Variants in TENM3 observed in about 807,000 individuals in gnomAD.
TENM3 encodes the protein teneurin transmembrane protein 3.
Under a neutral mutation model 255.1 loss-of-function variants are expected in TENM3, and 63 were observed. The ratio of observed to expected loss-of-function variants is 0.25; its 90% CI spans 0.20 to 0.30. The LOEUF (loss-of-function observed/expected upper bound fraction) is 0.30, where lower values mean the gene tolerates loss of function less well. Among genes scored for constraint, TENM3 ranks in the 10% least tolerant of loss-of-function variants. The pLI is 1.00. For synonymous variants in TENM3, 1,306 were observed against 1,322.3 expected, an observed-to-expected ratio of 0.99 and a Z score of 0.27; for missense variants, 2,929 against 3,461.1, an observed-to-expected ratio of 0.85 and a Z score of 3.86.
chr4:181,583,565 C>T, the TENM3 span, among the ~76,000 whole-genome samples: 1 of 152,062 alleles, frequency 6.6e-6, no homozygotes, highest in African/African-American at 2.4e-5. Flanking sequence ...AACGTGGGGG[C>T]GTGCCACCTC....
At chr4:182,340,521 G>A (rs535383244) in intron 2 of TENM3, among the ~76,000 whole-genome samples, 1 of 152,116 alleles carries the variant, frequency 6.6e-6, no homozygotes, top group African/African-American at 2.4e-5. Context: ...TTTTTTGTAG[G>A]GCCTTATGAA....
intron 2 of TENM3, among the ~76,000 whole-genome samples, chr4:182,334,008 A>G (rs1190137207): frequency 7.9e-5 from 12 of 152,214 alleles, no homozygotes; most frequent in Non-Finnish European, 2.9e-5. Flanking sequence ...ATCTTGGCCA[A>G]GGAACTTTTT....
At chr4:182,785,479 G>A (rs556916790) in intron 24 of TENM3, among the ~76,000 whole-genome samples, 124 of 151,798 alleles carry the variant, frequency 8.2e-4, no homozygotes, top group African/African-American at 2.6e-3. Context: ...AGGCTGAGGC[G>A]GGTGGATCAC....
chr4:181,486,887 A>G, the TENM3 span, among the ~76,000 whole-genome samples: 5,924 of 152,270 alleles, frequency 0.039, 197 homozygotes, highest in South Asian at 0.15. Context: ...GAATCCTTCT[A>G]GGTTAAAAAT....
intron 3 of TENM3, among the ~76,000 whole-genome samples, chr4:182,573,963 AAT>A (rs1288783152): frequency 6.6e-6 from 1 of 152,192 alleles, no homozygotes; most frequent in African/African-American, 2.4e-5. Context: ...GTTACAATAA[AAT>A]ATGAAAAACT....
chr4:181,851,019 G>T, the TENM3 span, among the ~76,000 whole-genome samples: 1 of 126,752 alleles, frequency 7.9e-6, no homozygotes, highest in Non-Finnish European at 1.8e-5. Context: ...GGAAAAGGAT[G>T]AATTGCATTT....
intron 1 of TENM3, among the ~76,000 whole-genome samples, chr4:182,223,083 A>T (rs887065034): frequency 2.0e-5 from 3 of 152,256 alleles, no homozygotes; most frequent in South Asian, 2.1e-4. Context: ...CTTGTCAATA[A>T]GAATGAGAGA....
At chr4:182,197,012 G>A (rs1260583971) in intron 1 of TENM3, among the ~76,000 whole-genome samples, 5 of 152,090 alleles carry the variant, frequency 3.3e-5, no homozygotes, top group Admixed American at 6.5e-5. Flanking sequence ...CATTGTTCAC[G>A]TTTCCCATCC....
chr4:181,616,281 CAAAAAAAAA>C, the TENM3 span, among the ~76,000 whole-genome samples: 5 of 84,076 alleles, frequency 5.9e-5, no homozygotes, highest in African/African-American at 2.4e-4. Flanking sequence ...TAAAGGTTTC[CAAAAAAAAA>C]AAAAAAAAAA....
the TENM3 span, among the ~76,000 whole-genome samples, chr4:181,749,274 C>T: frequency 6.6e-6 from 1 of 151,934 alleles, no homozygotes; most frequent in African/African-American, 2.4e-5. Context: ...ATAAATCTTC[C>T]TGAGGAAAAA....
chr4:182,014,171 C>A, the TENM3 span, among the ~76,000 whole-genome samples: 10 of 145,368 alleles, frequency 6.9e-5, no homozygotes, highest in East Asian at 4.0e-4. Context: ...CATATATATA[C>A]ATATATATAT....
the TENM3 span, among the ~76,000 whole-genome samples, chr4:181,885,875 C>T: frequency 6.6e-6 from 1 of 152,100 alleles, no homozygotes; most frequent in Non-Finnish European, 1.5e-5. Flanking sequence ...AAAGAATAAA[C>T]TTAATATTAA....
At chr4:182,581,912 TA>T (rs1745530930) in intron 3 of TENM3, among the ~76,000 whole-genome samples, 1 of 152,146 alleles carries the variant, frequency 6.6e-6, no homozygotes, top group African/African-American at 2.4e-5. Context: ...TAACCTCACA[TA>T]TATTTTTGTT....
Position 182,382,766 on chromosome 4 carries a change from C to T in TENM3, c.511+35837C>T, listed in dbSNP as rs886807409. Among the ~76,000 whole-genome samples the T allele has an allele frequency of 2.6e-5, 4 of 152,120 alleles. No homozygotes were observed. The East Asian group carries it at 5.8e-4, about 22-fold the overall frequency. ...GCCATAGGCCCCAAATTCCTGTGAT[C>T]TTTAAAAACCTCTTTTCAGGAACTC... On this transcript the variant is annotated intron_variant, in intron 3 of 27. Transcript: ENST00000511685.
chr4:182,669,327 T>C (rs969432457), intron 6 of TENM3, among the ~76,000 whole-genome samples: 12 of 152,142 alleles, frequency 7.9e-5, no homozygotes, highest in South Asian at 2.1e-4. Context: ...TGGAGTGCAG[T>C]GGCGCGATCT....
chr4:181,674,868 G>A, the TENM3 span, among the ~76,000 whole-genome samples: 6 of 151,976 alleles, frequency 3.9e-5, no homozygotes, highest in Admixed American at 1.3e-4. Flanking sequence ...TATATGTATT[G>A]CATAGTGATC....
intron 1 of TENM3, among the ~76,000 whole-genome samples, chr4:182,160,763 C>T (rs1751089427): frequency 6.6e-6 from 1 of 152,042 alleles, no homozygotes; most frequent in African/African-American, 2.4e-5. Context: ...ACCTATTGCA[C>T]AGCAAGGTGA....
chr4:182,687,135 C>CA (rs1216940043), intron 11 of TENM3, among the ~76,000 whole-genome samples: 3 of 151,494 alleles, frequency 2.0e-5, no homozygotes, highest in African/African-American at 4.8e-5. Context: ...ATTTTTTAAT[C>CA]AAAAAAAGGT....
intron 3 of TENM3, among the ~76,000 whole-genome samples, chr4:182,559,296 T>C (rs987258671): frequency 6.6e-6 from 1 of 152,060 alleles, no homozygotes; most frequent in African/African-American, 2.4e-5. Flanking sequence ...TGAATTAAAT[T>C]TGTCAAAAGT....
Sources: allele counts gnomAD v4.1 joint callset (sites outside exome capture counted in the v4.1 genomes callset), GRCh38; gene constraint gnomAD v4.1.1; transcripts MANE v1.5; gene names NCBI Gene and HGNC (gene_info 2026-07-23, HGNC 2026-07-21).